The following ANKRD12 variants were observed in gnomAD, a reference collection of about 807,000 sequenced individuals.
ANKRD12 encodes the protein ankyrin repeat domain-containing protein 12.
A neutral mutation model predicts 183.4 loss-of-function variants in ANKRD12; 85 were observed. The ratio of observed to expected loss-of-function variants is 0.46; its 90% CI spans 0.39 to 0.56. The LOEUF is 0.56. Ranked by LOEUF, ANKRD12 falls within the 20% of genes least tolerant of loss-of-function variation. The pLI is 0.00. For synonymous variants in ANKRD12, 914 were observed against 800.2 expected (o/e 1.14, Z -2.40); for missense variants, 2,405 against 2,357.1 (o/e 1.02, Z -0.42).
intron 8 of ANKRD12, among the ~76,000 whole-genome samples, chr18:9,241,908 A>G (rs528365758): frequency 6.6e-6 from 1 of 151,374 alleles, no homozygotes; most frequent in African/African-American, 2.4e-5. Flanking sequence ...TTTTTTTTCA[A>G]AAGAAAAATA....
rs1598722284 is a variant in ANKRD12, at chr18:9,257,104, C to G, written c.3837C>G (p.Asn1279Lys). ...AGCGGATTAAACCACCATATGCAAA[C>G]AGACTTTCAACATCCCATCTTAGGT... ...LPERIKPPYA[N>K]RLSTSHLRSS... is the part of the protein sequence containing the mutation. The change falls in exon 9 of 13, where the codon AAC becomes AAG. Residue 1279 changes from asparagine to lysine, a missense_variant. Asn to Lys is a moderately conservative substitution (Grantham distance 94). This residue lies in a region of ANKRD12 where 1,983 missense variants were observed against 1,725.9 expected (regional missense o/e 1.15). Coordinates refer to ENST00000262126, the MANE Select transcript of ANKRD12 (RefSeq NM_015208.5). 1 of 1,614,156 alleles carries G rather than the reference C, an allele frequency of 6.2e-7. No individual in the cohort carries two copies. Among genetic ancestry groups the G allele is most frequent in the Non-Finnish European group, 8.5e-7 (1 of 1,180,008 alleles).
At chr18:9,141,363 T>A (rs913940718) in intron 1 of ANKRD12, among the ~76,000 whole-genome samples, 1 of 152,222 alleles carries the variant, frequency 6.6e-6, no homozygotes, top group African/African-American at 2.4e-5. Context: ...AGAGACATTC[T>A]TTCATCACAG....
At chr18:9,241,148 G>A (rs559220090) in intron 8 of ANKRD12, among the ~76,000 whole-genome samples, 1 of 152,066 alleles carries the variant, frequency 6.6e-6, no homozygotes, top group African/African-American at 2.4e-5. Context: ...AAGTTTTAAA[G>A]TAAATTTTTT....
intron 8 of ANKRD12, among the ~76,000 whole-genome samples, chr18:9,252,799 A>G (rs570068922): frequency 3.9e-5 from 6 of 152,292 alleles, no homozygotes; most frequent in Admixed American, 2.6e-4. Context: ...CTCCGTTTCT[A>G]CCAAAAATAC....
chr18:9,227,815 A>T (rs1425541564), intron 8 of ANKRD12, among the ~76,000 whole-genome samples: 1 of 152,166 alleles, frequency 6.6e-6, no homozygotes, highest in Admixed American at 6.5e-5. Flanking sequence ...GTATCATTTC[A>T]AGTCATCTCT....
chr18:9,261,611 C>A (rs963233001), intron 9 of ANKRD12, among the ~76,000 whole-genome samples: 1 of 152,160 alleles, frequency 6.6e-6, no homozygotes, highest in Non-Finnish European at 1.5e-5. Context: ...CTTAGAACAT[C>A]AAATTTGACA....
At chr18:9,232,385 G>A (rs543213684) in intron 8 of ANKRD12, among the ~76,000 whole-genome samples, 2 of 152,178 alleles carry the variant, frequency 1.3e-5, no homozygotes, top group African/African-American at 2.4e-5. Flanking sequence ...GGATAATTTT[G>A]TTGGATGTAG....
At chr18:9,160,196 A>G (rs749128495) in intron 1 of ANKRD12, among the ~76,000 whole-genome samples, 10 of 152,062 alleles carry the variant, frequency 6.6e-5, no homozygotes, top group Non-Finnish European at 1.3e-4. Flanking sequence ...GCTCAGTGCA[A>G]CCTCAGCTAC....
At chr18:9,280,876 GATTA>G in intron 12 of ANKRD12, 61 bp from the exon 13 acceptor site, 1 of 1,501,764 alleles carries the variant, frequency 6.7e-7, no homozygotes, top group African/African-American at 1.4e-5. Context: ...AACTGGATGA[GATTA>G]ATTTTTAAAC....
In ANKRD12 at chr18:9,259,072, A is replaced by G. The variant is rs1401271202; in HGVS notation, c.5664+141A>G. ...TGTCAGTGAGTCGAGATATAAAGCT[A>G]GTAACGTTCTTGTTTCTTTCATTCC... On this transcript the variant is annotated intron_variant, in intron 9 of 12. Coordinates refer to ENST00000262126, the MANE Select transcript of ANKRD12 (RefSeq NM_015208.5). The G allele has an allele frequency of 5.9e-6, 6 of 1,023,192 alleles. No individual in the cohort carries two copies. The East Asian group carries it at 1.1e-4, about 18-fold the overall frequency. 63.4% of individuals were successfully genotyped at this position (1,023,192 alleles called of 1,614,324 possible).
chr18:9,188,935 C>CT (rs1189600312), intron 2 of ANKRD12, among the ~76,000 whole-genome samples: 6 of 152,122 alleles, frequency 3.9e-5, no homozygotes, highest in Non-Finnish European at 7.4e-5. Context: ...TCAGTGGTCT[C>CT]TAAGTATTCA....
Position 9,256,779 on chromosome 18 carries a change from A to G in ANKRD12, c.3512A>G (p.Asn1171Ser). The change falls in exon 9 of 13, where the codon AAT (asparagine) becomes AGT (serine). Residue 1171 changes from asparagine to serine, a missense_variant. Asn to Ser is a conservative substitution (Grantham distance 46). Coordinates refer to ENST00000262126, the MANE Select transcript of ANKRD12 (RefSeq NM_015208.5). ...SNRSQSVDTK[N>S]VMTLGKSSFV... is the part of the protein sequence containing the mutation. ...AGATCACAATCTGTTGACACCAAAA[A>G]TGTAATGACTTTAGGGAAGTCATCT... 6.2e-7 allele frequency: 1 copy of G among 1,613,956 alleles called. No homozygotes were observed. The highest frequency in any genetic ancestry group is 8.5e-7 in the Non-Finnish European group (1 of 1,179,948).
chr18:9,149,651 GTTGT>G (rs1385838128), intron 1 of ANKRD12, among the ~76,000 whole-genome samples: 2 of 151,966 alleles, frequency 1.3e-5, no homozygotes, highest in Admixed American at 6.6e-5. Context: ...GTAGATACCG[GTTGT>G]TTATTATTTC....
chr18:9,262,786 CCTTTTTTTTTTTTTT>C (rs2039052804), intron 9 of ANKRD12, among the ~76,000 whole-genome samples: 3 of 87,932 alleles, frequency 3.4e-5, no homozygotes, highest in Non-Finnish European at 6.8e-5. Context: ...CCAAGATGTC[CCTTTTTTTTTTTTTT>C]TTTTTTTTTT....
chr18:9,275,975 A>G (rs1221074576), intron 11 of ANKRD12, among the ~76,000 whole-genome samples: 1 of 152,224 alleles, frequency 6.6e-6, no homozygotes, highest in Admixed American at 6.5e-5. Context: ...TCTGACCTTC[A>G]GGCAGCTAGA....
intron 2 of ANKRD12, among the ~76,000 whole-genome samples, chr18:9,191,386 T>C (rs2034445541): frequency 6.6e-6 from 1 of 152,230 alleles, no homozygotes; most frequent in Admixed American, 6.5e-5. Context: ...AACAAGTAGT[T>C]AGCAGTTATG....
intron 3 of ANKRD12, among the ~76,000 whole-genome samples, chr18:9,199,327 G>A (rs1051214564): frequency 1.3e-5 from 2 of 152,118 alleles, no homozygotes; most frequent in African/African-American, 4.8e-5. Flanking sequence ...ATTAGATTAT[G>A]AAACAGTATG....
At chr18:9,199,447 A>G (rs780469441) in intron 3 of ANKRD12, among the ~76,000 whole-genome samples, 6 of 152,208 alleles carry the variant, frequency 3.9e-5, no homozygotes, top group Admixed American at 1.3e-4. Flanking sequence ...GACTTTTTTC[A>G]CTGTAGGAAC....
intron 1 of ANKRD12, among the ~76,000 whole-genome samples, chr18:9,150,829 A>AT (rs1167329454): frequency 2.6e-5 from 4 of 151,484 alleles, no homozygotes; most frequent in African/African-American, 4.9e-5. Context: ...AATTTTTTGT[A>AT]TTTTCAGTAG....
Sources: allele counts gnomAD v4.1 joint callset (sites outside exome capture counted in the v4.1 genomes callset), GRCh38; gene constraint gnomAD v4.1.1; regional missense constraint gnomAD v4.1.1; transcripts MANE v1.5; gene names NCBI Gene and HGNC (gene_info 2026-07-23, HGNC 2026-07-21).